XPO5: variants seen among roughly 807,000 people sequenced by gnomAD.
The protein encoded by XPO5 is exportin-5.
Under a neutral mutation model 160.6 loss-of-function variants are expected in XPO5, and 46 were observed. The ratio of observed to expected loss-of-function variants is 0.29; its 90% confidence interval spans 0.23 to 0.37. The LOEUF (loss-of-function observed/expected upper bound fraction) is 0.37, where lower values mean the gene tolerates loss of function less well. XPO5 is among the 10% of genes least tolerant of loss of function. XPO5 has a pLI of 1.00. For missense variants in XPO5, 1,090 were observed against 1,463.9 expected, an observed-to-expected ratio of 0.74 and a Z score of 4.17; for synonymous variants, 537 against 519.3, an observed-to-expected ratio of 1.03 and a Z score of -0.46.
intron 20 of XPO5, among the ~76,000 whole-genome samples, chr6:43,545,179 T>C (rs1344037916): frequency 6.6e-6 from 1 of 151,752 alleles, no homozygotes; most frequent in Non-Finnish European, 1.5e-5. Context: ...CGCCAAAATA[T>C]TGTCTATTTC....
chr6:43,535,075 G>A (rs899511262), intron 20 of XPO5, among the ~76,000 whole-genome samples: 5 of 149,154 alleles, frequency 3.4e-5, no homozygotes, highest in African/African-American at 1.2e-4. Context: ...GGTGGATCAC[G>A]AGGTCATGAG....
intron 14 of XPO5, among the ~76,000 whole-genome samples, chr6:43,552,975 T>A (rs1451719294): frequency 1.3e-5 from 2 of 152,198 alleles, no homozygotes; most frequent in Non-Finnish European, 2.9e-5. Flanking sequence ...TCTAAATCTG[T>A]TTCCTCTTCT....
intron 28 of XPO5, chr6:43,525,508 G>A (rs1793526673): frequency 4.0e-6 from 2 of 495,448 alleles, no homozygotes; most frequent in Non-Finnish European, 7.1e-6. Flanking sequence ...TTTGTGTATT[G>A]CCAGTCAAAA....
intron 20 of XPO5, among the ~76,000 whole-genome samples, chr6:43,536,775 A>AAAAAAAAAAAAAAAAAAAAAAAC (rs1189424006): frequency 6.7e-6 from 1 of 149,660 alleles, no homozygotes; most frequent in African/African-American, 2.5e-5. Context: ...AAAAAAAAAA[A>AAAAAAAAAAAAAAAAAAAAAAAC]AAAAAAAAAA....
At chr6:43,568,549 T>C (rs1209138329) in intron 6 of XPO5, among the ~76,000 whole-genome samples, 162 bp downstream of exon 6, 5 of 151,942 alleles carry the variant, frequency 3.3e-5, no homozygotes, top group African/African-American at 1.2e-4. Flanking sequence ...ATGGCTGCAG[T>C]GAGCTGAGAC....
chr6:43,536,279 G>A (rs1375697949), intron 20 of XPO5, among the ~76,000 whole-genome samples: 3 of 151,830 alleles, frequency 2.0e-5, no homozygotes, highest in Admixed American at 2.0e-4. Flanking sequence ...GCCGGGTGTG[G>A]TGGTGCATGC....
chr6:43,523,581 T>C lies in XPO5; in HGVS notation c.*287A>G. ...GTGGGAGGGCTTGTGGGAGAAGGGC[T>C]GCTCTGCTCTAGCTTTTCTTGGAAA... On this transcript the variant is annotated 3_prime_UTR_variant, in exon 32 of 32. Coordinates refer to ENST00000265351, the MANE Select transcript of XPO5 (RefSeq NM_020750.3). 1 of 600,356 alleles carries C rather than the reference T, an allele frequency of 1.7e-6. No individual in the cohort carries two copies. The highest frequency in any genetic ancestry group is 3.7e-5 in the East Asian group (1 of 27,390). The allele number at this position is 600,356 out of a possible 1,614,324, so 37.2% of individuals were successfully genotyped here. A position where few individuals can be genotyped will look rare whatever the true frequency, so the allele number is the denominator to read the frequency against.
intron 3 of XPO5, 86 bp downstream of exon 3, chr6:43,572,420 G>A: frequency 7.4e-7 from 1 of 1,353,984 alleles, no homozygotes; most frequent in Non-Finnish European, 1.1e-6. Flanking sequence ...TAGAAGCAGT[G>A]AATTTTTACA....
In XPO5 at chr6:43,524,907, C is replaced by G. The variant is rs1323117683; in HGVS notation, c.3236G>C (p.Gly1079Ala). The G allele has an allele frequency of 6.2e-7, 1 of 1,613,906 alleles. No homozygotes were observed. Among genetic ancestry groups the G allele is most frequent in the East Asian group, 2.2e-5 (1 of 44,904 alleles). ...VTWLFTSVLKGLQMHGQHDGC... is the reference protein window; with the variant it reads ...VTWLFTSVLKALQMHGQHDGC... ...GTCGTGCTGCCCGTGCATCTGTAAG[C>G]CTTTCAGCACACTGGTGAAAAGCCA... is the stretch of plus-strand genomic sequence containing the variant. The change falls in exon 30 of 32, where the codon GGC (glycine) becomes GCC (alanine). Residue 1079 changes from glycine (G) to alanine (A), a missense_variant. Physicochemically the swap from Gly to Ala is moderately conservative, Grantham distance 60. This residue lies in a region of XPO5 where 810 missense variants were observed against 1,139.0 expected (regional missense o/e 0.71). Transcript: ENST00000265351.
intron 20 of XPO5, among the ~76,000 whole-genome samples, chr6:43,538,358 C>T (rs766067054): frequency 6.6e-6 from 1 of 151,698 alleles, no homozygotes; most frequent in Non-Finnish European, 1.5e-5. Context: ...GTCATGTTGG[C>T]CAGGTTGGTC....
rs1423053013 is a variant in XPO5 at position 43,539,650 on chromosome 6, CCCAGGGCCA to C, written c.2343-5652_2343-5644del. The C allele has an allele frequency of 3.2e-6, 4 of 1,258,906 alleles. 1 individual carries two copies. The highest frequency in any genetic ancestry group is 5.0e-5 in the East Asian group (2 of 40,116). The allele number at this position is 1,258,906 out of a possible 1,614,324, so 78.0% of individuals were successfully genotyped here. A position where few individuals can be genotyped will look rare whatever the true frequency, so the allele number is the denominator to read the frequency against. Reference sequence around the variant, plus strand: ...TGCGGAAGCCACCGCGGTTCCCCATCCCAGGGCCACCAGGGCCTCCAGGCCCCCCCACTG... The same window carrying C: ...TGCGGAAGCCACCGCGGTTCCCCATCCCAGGGCCTCCAGGCCCCCCCACTG... On this transcript the variant is annotated intron_variant, in intron 20 of 31. Coordinates refer to ENST00000265351, the MANE Select transcript of XPO5 (RefSeq NM_020750.3).
intron 31 of XPO5, among the ~76,000 whole-genome samples, chr6:43,524,264 A>G (rs1005310814): frequency 5.3e-5 from 8 of 151,746 alleles, no homozygotes; most frequent in African/African-American, 1.7e-4. Flanking sequence ...AGGCAGGAGA[A>G]TCGTTTGAAC....
intron 26 of XPO5, 108 bp downstream of exon 26, chr6:43,527,526 C>T (rs937403385): frequency 8.9e-6 from 10 of 1,129,796 alleles, no homozygotes; most frequent in Admixed American, 4.1e-5. Flanking sequence ...CCATGCCCGC[C>T]GCAAACATGA....
At chr6:43,540,944 T>C (rs1429646275) in intron 20 of XPO5, among the ~76,000 whole-genome samples, 1 of 152,060 alleles carries the variant, frequency 6.6e-6, no homozygotes, top group African/African-American at 2.4e-5. Flanking sequence ...GATCTTGTCA[T>C]TTGCAACAAT....
At chr6:43,556,117 C>T (rs1386059558) in intron 12 of XPO5, 153 bp from the exon 13 acceptor site, 4 of 1,015,330 alleles carry the variant, frequency 3.9e-6, no homozygotes, top group African/African-American at 1.6e-5. Context: ...CTCAATAAAA[C>T]TTTATTAACG....
intron 20 of XPO5, among the ~76,000 whole-genome samples, chr6:43,541,592 T>G (rs1407556816): frequency 6.6e-6 from 1 of 152,162 alleles, no homozygotes; most frequent in East Asian, 1.9e-4. Flanking sequence ...CTACACTTTC[T>G]TCTCCTCTCC....
intron 11 of XPO5, among the ~76,000 whole-genome samples, chr6:43,559,460 G>C (rs1358471312): frequency 6.6e-6 from 1 of 152,182 alleles, no homozygotes; most frequent in Non-Finnish European, 1.5e-5. Flanking sequence ...ACTCTCTACT[G>C]AGGTAGTGAG....
intron 8 of XPO5, 38 bp from the exon 9 acceptor site, chr6:43,562,384 A>G (rs750347255): frequency 1.4e-6 from 2 of 1,444,418 alleles, no homozygotes; most frequent in East Asian, 4.8e-5. Flanking sequence ...CAACAAAATT[A>G]AAAAGGCTGT....
chr6:43,528,132 CAAG>C (rs1793717204), intron 25 of XPO5, 24 bp downstream of exon 25: 2 of 1,578,322 alleles, frequency 1.3e-6, no homozygotes, highest in African/African-American at 1.3e-5. Flanking sequence ...GTTCATCCAC[CAAG>C]AAGAGTGGGT....
Sources: gnomAD v4.1 joint callset for allele counts (sites outside exome capture counted in the v4.1 genomes callset) on GRCh38, gnomAD v4.1.1 for gene constraint, gnomAD v4.1.1 regional missense constraint, MANE v1.5 for transcripts, NCBI Gene and HGNC (gene_info 2026-07-23, HGNC 2026-07-21) for gene names.